Variants in NEB observed in about 807,000 individuals in gnomAD.
The protein encoded by NEB is nebulin, also known as nemaline myopathy type 2.
Under a neutral mutation model 952.2 loss-of-function variants are expected in NEB, and 512 were observed. That is an observed-to-expected ratio of 0.54 (90% CI 0.50 to 0.58). The LOEUF (loss-of-function observed/expected upper bound fraction) is 0.58. Among genes scored for constraint, NEB ranks in the 20% least tolerant of loss-of-function variants. The probability of loss-of-function intolerance (pLI) is 0.00; values close to 1 mark genes in which losing one functional copy is unlikely to be tolerated. For synonymous variants in NEB, 2,900 were observed against 3,149.8 expected (o/e 0.92, Z 2.66); for missense variants, 8,428 against 9,231.1 (o/e 0.91, Z 3.56).
intron 76 of NEB, among the ~76,000 whole-genome samples, chr2:151,615,648 A>G (rs1366367300): frequency 2.0e-5 from 3 of 152,224 alleles, no homozygotes. Flanking sequence ...AAGGGAATAA[A>G]TTAATCCCTT....
Position 151,633,788 on chromosome 2 carries a change from C to T in NEB, c.9280G>A (p.Gly3094Arg). Residue 3094 changes from glycine to arginine, a missense_variant, in exon 65 of 182, where the codon GGG (glycine) becomes AGG (arginine). Gly to Arg is a moderately radical substitution (Grantham distance 125, BLOSUM62 -2). Around this residue, in one of 11 missense-constraint regions of NEB, gnomAD observed 1,772 missense variants for 1,960.3 expected, o/e 0.90. Coordinates refer to ENST00000397345, the MANE Select transcript of NEB (RefSeq NM_001164508.2). ...TGGCACTTCTTGGCCAGCACCACCC[C>T]CAGCATGTCCACTGGGCTGCTGAAC... is the stretch of plus-strand genomic sequence containing the variant. ...TKFSSPVDML[G>R]VVLAKKCQTL... is the part of the protein sequence containing the mutation. 1 of 1,613,918 alleles carries T rather than the reference C, an allele frequency of 6.2e-7. No individual in the cohort carries two copies. The highest frequency in any genetic ancestry group is 8.5e-7 in the Non-Finnish European group (1 of 1,179,870).
At chr2:151,724,428 A>G in intron 7 of NEB, 64 bp from the exon 8 acceptor site, 1 of 1,253,426 alleles carries the variant, frequency 8.0e-7, no homozygotes, top group Non-Finnish European at 1.1e-6. Context: ...GGATTTAAAC[A>G]ACAAAGGGAG....
At chr2:151,622,079 G>A (rs2098427651) in intron 71 of NEB, among the ~76,000 whole-genome samples, 2 of 151,960 alleles carry the variant, frequency 1.3e-5, no homozygotes, top group African/African-American at 2.4e-5. Flanking sequence ...GCACAATCTC[G>A]GCTCACTGCC....
intron 153 of NEB, among the ~76,000 whole-genome samples, chr2:151,520,330 T>A (rs1245457533): frequency 6.6e-6 from 1 of 151,974 alleles, no homozygotes; most frequent in Non-Finnish European, 1.5e-5. Flanking sequence ...AGTTTGGGGG[T>A]TAATGGCTTC....
Position 151,535,786 on chromosome 2 carries a change from T to A in NEB, c.21217A>T (p.Lys7073Ter), listed in dbSNP as rs760212655. Residue 7073 changes from lysine to a stop codon, truncating the protein, a stop_gained, in exon 142 of 182, where the codon AAA becomes TAA. Transcript: ENST00000397345. LOFTEE classifies it high-confidence loss of function. The part of the protein sequence containing the change: ...NKTLYSKYKY[K>*]EVFERTKSDF... ...GACTTTGTCCTTTCAAATACTTCTTTATACTTATACTAGAAAAAACAGAAC... is the reference window on the plus strand; with the variant it reads ...GACTTTGTCCTTTCAAATACTTCTTAATACTTATACTAGAAAAAACAGAAC... The A allele has an allele frequency of 6.3e-7, 1 of 1,577,208 alleles. No homozygotes were observed. The highest frequency in any genetic ancestry group is 2.3e-5 in the East Asian group (1 of 44,288).
At chr2:151,634,259 C>T (rs1018185504) in intron 64 of NEB, among the ~76,000 whole-genome samples, 13 of 152,150 alleles carry the variant, frequency 8.5e-5, no homozygotes, top group African/African-American at 3.1e-4. Flanking sequence ...AGGGAGAGAA[C>T]ATTTGAACCA....
intron 28 of NEB, among the ~76,000 whole-genome samples, chr2:151,683,526 G>C (rs2099447929): frequency 6.6e-6 from 1 of 152,152 alleles, no homozygotes; most frequent in Admixed American, 6.6e-5. Flanking sequence ...CCTGTCAGAG[G>C]CTTATGATCT....
intron 8 of NEB, 80 bp from the exon 9 acceptor site, chr2:151,723,566 A>T: frequency 1.9e-6 from 2 of 1,044,916 alleles, no homozygotes; most frequent in Non-Finnish European, 2.9e-6. Context: ...TTCATCCATT[A>T]ATAACCTAAA....
intron 10 of NEB, among the ~76,000 whole-genome samples, chr2:151,712,524 C>T (rs1318805642): frequency 2.0e-5 from 3 of 152,150 alleles, no homozygotes; most frequent in Non-Finnish European, 4.4e-5. Context: ...ATGTTATTTC[C>T]TCCTATCCAG....
At chr2:151,710,110 A>G (rs1349632711) in intron 11 of NEB, among the ~76,000 whole-genome samples, 1 of 152,220 alleles carries the variant, frequency 6.6e-6, no homozygotes, top group African/African-American at 2.4e-5. Flanking sequence ...TAACTGTACA[A>G]TTTGGCTCCT....
intron 65 of NEB, 88 bp downstream of exon 65, chr2:151,633,566 C>T: frequency 6.8e-7 from 1 of 1,471,214 alleles, no homozygotes; most frequent in East Asian, 2.3e-5. Context: ...TCAATCTTAA[C>T]TTGAGTAATG....
chr2:151,668,045 T>C (rs1182044104), intron 39 of NEB, 134 bp from the exon 40 acceptor site: 3 of 639,076 alleles, frequency 4.7e-6, no homozygotes, highest in Non-Finnish European at 7.9e-6. Context: ...GTTAGGACTA[T>C]TAGTTTGTCT....
Position 151,697,131 on chromosome 2 carries a change from T to A in NEB, c.1470+17A>T. On this transcript the variant is annotated intron_variant, in intron 16 of 181. Transcript: ENST00000397345. The stretch of plus-strand genomic sequence containing the variant: ...TATGGAAGGCAGTCACATTCAAAGT[T>A]CAGACTACAGACTTACGTCTTTACA... 4.4e-6 allele frequency: 7 copies of A among 1,587,782 alleles called. No homozygotes were observed. The highest frequency in any genetic ancestry group is 4.3e-6 in the Non-Finnish European group (5 of 1,159,986).
intron 32 of NEB, 129 bp from the exon 33 acceptor site, chr2:151,678,316 T>C (rs1474637311): frequency 1.7e-6 from 1 of 600,760 alleles, no homozygotes; most frequent in Admixed American, 3.0e-5. Flanking sequence ...CAATTAACAA[T>C]TCACTTGCAT....
At chr2:151,513,911 C>T (rs1354966926) in intron 159 of NEB, among the ~76,000 whole-genome samples, 2 of 152,162 alleles carry the variant, frequency 1.3e-5, no homozygotes, top group Non-Finnish European at 2.9e-5. Context: ...TATGGGTCAA[C>T]AGAGGTCTCC....
rs1195450303 is a variant in NEB, at chr2:151,567,461, G to A, written c.17863C>T (p.His5955Tyr). 1.2e-6 allele frequency: 2 copies of A among 1,610,516 alleles called. No homozygotes were observed. The highest frequency in any genetic ancestry group is 1.7e-5 in the Admixed American group (1 of 59,412). Residue 5955 changes from histidine (H) to tyrosine (Y), a missense_variant, in exon 114 of 182, where the codon CAT (histidine) becomes TAT (tyrosine). His to Tyr is a moderately conservative substitution (Grantham distance 83). Coordinates refer to ENST00000397345, the MANE Select transcript of NEB (RefSeq NM_001164508.2). Reference protein sequence around the residue: ...VQSELKYKAEHVKQKGHYVGV... With the variant: ...VQSELKYKAEYVKQKGHYVGV... ...ACATAATGACCTTTTTGCTTCACAT[G>A]TTCAGCTTTGTATTTCAGCTGGCGA... is the stretch of plus-strand genomic sequence containing the variant.
chr2:151,513,559 A>G (rs1327861536), intron 160 of NEB, 21 bp downstream of exon 160: 1 of 1,534,552 alleles, frequency 6.5e-7, no homozygotes, highest in Non-Finnish European at 8.9e-7. Flanking sequence ...TGAAAGATTG[A>G]CATCGAATAG....
At chr2:151,670,135 C>T (rs2099267956) in intron 38 of NEB, among the ~76,000 whole-genome samples, 1 of 152,066 alleles carries the variant, frequency 6.6e-6, no homozygotes, top group Admixed American at 6.6e-5. Context: ...ACATCTCGCT[C>T]AGTACAAAAG....
intron 161 of NEB, among the ~76,000 whole-genome samples, chr2:151,508,514 G>C (rs1041177250): frequency 6.6e-6 from 1 of 152,210 alleles, no homozygotes; most frequent in South Asian, 2.1e-4. Context: ...GAGAGAAGCT[G>C]GAGGGTTAAG....
Sources: allele counts gnomAD v4.1 joint callset (sites outside exome capture counted in the v4.1 genomes callset), GRCh38; gene constraint gnomAD v4.1.1; regional missense constraint gnomAD v4.1.1; transcripts MANE v1.5; gene names NCBI Gene and HGNC (gene_info 2026-07-23, HGNC 2026-07-21).